BMPR1A: variants seen among roughly 807,000 people sequenced by gnomAD.
The protein encoded by BMPR1A is bone morphogenetic protein receptor type 1A.
A neutral mutation model predicts 66.0 loss-of-function variants in BMPR1A; 7 were observed. The observed-to-expected ratio is 0.11, with a 90% CI of 0.06 to 0.20. The LOEUF (loss-of-function observed/expected upper bound fraction) is 0.20. Among genes scored for constraint, BMPR1A ranks in the 10% least tolerant of loss-of-function variants. BMPR1A has a pLI of 1.00. For missense variants in BMPR1A, 408 were observed against 669.1 expected (o/e 0.61, Z 4.31); for synonymous variants, 200 against 229.7 (o/e 0.87, Z 1.17).
At chr10:86,830,072 A>G (rs937452568) in intron 1 of BMPR1A, among the ~76,000 whole-genome samples, 1 of 152,170 alleles carries the variant, frequency 6.6e-6, no homozygotes, top group Non-Finnish European at 1.5e-5. Context: ...AGCATGGGGA[A>G]GTGGGAATTT....
chr10:86,826,411 AAC>A (rs34389289), intron 1 of BMPR1A, among the ~76,000 whole-genome samples: 94 of 146,980 alleles, frequency 6.4e-4, no homozygotes, highest in East Asian at 1.8e-3. Flanking sequence ...CAATCAAGGA[AAC>A]ACACACACAC....
intron 3 of BMPR1A, among the ~76,000 whole-genome samples, chr10:86,885,804 T>C (rs1234837435): frequency 6.6e-6 from 1 of 152,210 alleles, no homozygotes; most frequent in Non-Finnish European, 1.5e-5. Context: ...CATTCTATCT[T>C]AAGGTTGCGG....
intron 7 of BMPR1A, among the ~76,000 whole-genome samples, 199 bp downstream of exon 7, chr10:86,900,325 A>G (rs970263197): frequency 6.6e-6 from 1 of 152,016 alleles, no homozygotes; most frequent in Non-Finnish European, 1.5e-5. Context: ...TACTTCTTGT[A>G]TGTTCATGAT....
chr10:86,865,492 C>A (rs1330595542), intron 2 of BMPR1A, among the ~76,000 whole-genome samples: 1 of 152,110 alleles, frequency 6.6e-6, no homozygotes, highest in African/African-American at 2.4e-5. Flanking sequence ...CCCTCATCTC[C>A]CTTCGCTGAC....
At position 86,927,441 on chromosome 10, in the gene BMPR1A, C is replaced by T. The variant is rs947963981; in HGVS notation, c.*3722C>T. ...GTGTTAAAATAGCAGTGCCACAGCTCGTCTCTTGCCTTAGTGTGCTGCTGT... is the reference window on the plus strand; with the variant it reads ...GTGTTAAAATAGCAGTGCCACAGCTTGTCTCTTGCCTTAGTGTGCTGCTGT... On this transcript the variant is annotated 3_prime_UTR_variant, in exon 13 of 13. Coordinates refer to ENST00000372037, the MANE Select transcript of BMPR1A (RefSeq NM_004329.3). 2.0e-5 allele frequency: 4 copies of T among 198,966 alleles called. No homozygotes were observed. Among genetic ancestry groups the T allele is most frequent in the African/African-American group, 9.2e-5 (4 of 43,452 alleles). The allele number at this position is 198,966 out of a possible 1,614,324, so 12.3% of individuals were successfully genotyped here.
At chr10:86,764,574 G>T (rs989165738) in intron 1 of BMPR1A, among the ~76,000 whole-genome samples, 2 of 152,146 alleles carry the variant, frequency 1.3e-5, no homozygotes, top group African/African-American at 4.8e-5. Flanking sequence ...ATTTTTCCCT[G>T]TTTTCTTATT....
chr10:86,807,460 A>G (rs1337651637), intron 1 of BMPR1A, among the ~76,000 whole-genome samples: 1 of 152,154 alleles, frequency 6.6e-6, no homozygotes, highest in Non-Finnish European at 1.5e-5. Flanking sequence ...AGCTCATTGT[A>G]GCCTTGAACT....
chr10:86,919,763 A>G (rs1843635542), intron 10 of BMPR1A, among the ~76,000 whole-genome samples: 1 of 151,664 alleles, frequency 6.6e-6, no homozygotes, highest in Admixed American at 6.6e-5. Flanking sequence ...GCTGGAATAT[A>G]GTAGTGTGAT....
chr10:86,910,822 C>A (rs182897873), intron 7 of BMPR1A, among the ~76,000 whole-genome samples: 9 of 152,034 alleles, frequency 5.9e-5, no homozygotes, highest in Non-Finnish European at 1.0e-4. Context: ...ATGTTAAAAC[C>A]AGGCCAGGCA....
chr10:86,779,089 G>A (rs1043754674), intron 1 of BMPR1A, among the ~76,000 whole-genome samples: 1 of 152,012 alleles, frequency 6.6e-6, no homozygotes, highest in African/African-American at 2.4e-5. Flanking sequence ...TTTTATGACT[G>A]AGGAGTATTC....
chr10:86,800,545 C>A (rs556578378), intron 1 of BMPR1A, among the ~76,000 whole-genome samples: 148 of 152,266 alleles, frequency 9.7e-4, no homozygotes, highest in African/African-American at 3.5e-3. Context: ...GCTTCCGCCA[C>A]CATGCCCAGC....
Position 86,850,319 on chromosome 10 carries a change from C to CAAA in BMPR1A, c.-153+11351_-153+11353dup, listed in dbSNP as rs200883215. ...CTGGGTGACAGAGCGGACTCCATTT[C>CAAA]AAAAAAAAAAAAACAGTTCATTGCT... On this transcript the variant is annotated intron_variant, in intron 2 of 12. Transcript: ENST00000372037. 5.4e-4 allele frequency among the ~76,000 whole-genome samples: 71 copies of CAAA among 131,164 alleles called. 1 individual carries two copies. The highest frequency in any genetic ancestry group is 3.9e-3 in the East Asian group (19 of 4,868). 86.0% of individuals were successfully genotyped at this position (131,164 alleles called of 152,430 possible). A position where few individuals can be genotyped will look rare whatever the true frequency, so the allele number is the denominator to read the frequency against.
intron 1 of BMPR1A, among the ~76,000 whole-genome samples, chr10:86,772,126 G>GTTTTTTTTT (rs777280640): frequency 2.3e-5 from 2 of 88,870 alleles, no homozygotes; most frequent in African/African-American, 4.8e-5. Context: ...TCAGAGATAG[G>GTTTTTTTTT]TTTTTTTTTT....
intron 1 of BMPR1A, among the ~76,000 whole-genome samples, chr10:86,786,767 T>C (rs1363216063): frequency 6.6e-6 from 1 of 152,232 alleles, no homozygotes; most frequent in Non-Finnish European, 1.5e-5. Context: ...GGATGTCTAA[T>C]AGGCAAATGA....
At chr10:86,867,362 A>G (rs1842799604) in intron 2 of BMPR1A, among the ~76,000 whole-genome samples, 1 of 152,232 alleles carries the variant, frequency 6.6e-6, no homozygotes. Context: ...AGGAGTAGTC[A>G]ACTTGTACCC....
rs1843721635 is a variant in BMPR1A, at chr10:86,925,114, A to AAGG, written c.*1395_*1396insAGG. On this transcript the variant is annotated 3_prime_UTR_variant, in exon 13 of 13. Transcript: ENST00000372037. ...GAAGACAATGAAAAATCAGGCAGAA[A>AAGG]TATTTAGTATCTAGTCAGTATCTGT... 1 of 231,928 alleles carries AAGG rather than the reference A, an allele frequency of 4.3e-6. No homozygotes were observed. Among genetic ancestry groups the AAGG allele is most frequent in the Non-Finnish European group, 8.5e-6 (1 of 117,332 alleles). 14.4% of individuals were successfully genotyped at this position (231,928 alleles called of 1,614,324 possible). A position where few individuals can be genotyped will look rare whatever the true frequency, so the allele number is the denominator to read the frequency against.
intron 8 of BMPR1A, among the ~76,000 whole-genome samples, 163 bp from the exon 9 acceptor site, chr10:86,916,971 T>A (rs1564723245): frequency 1.3e-5 from 2 of 151,726 alleles, no homozygotes; most frequent in Admixed American, 6.6e-5. Flanking sequence ...CCATCCTGGG[T>A]GACAGAGCGA....
chr10:86,777,977 C>T (rs1841379258), intron 1 of BMPR1A, among the ~76,000 whole-genome samples: 1 of 149,966 alleles, frequency 6.7e-6, no homozygotes, highest in African/African-American at 2.5e-5. Context: ...GGTGCCATTG[C>T]ACTCCAGCCT....
intron 2 of BMPR1A, among the ~76,000 whole-genome samples, chr10:86,849,002 C>T (rs147304906): frequency 1.2e-4 from 19 of 152,266 alleles, no homozygotes; most frequent in African/African-American, 3.8e-4. Flanking sequence ...TCTACCTCAC[C>T]CTGTCCCTTT....
Sources: gnomAD v4.1 joint callset for allele counts (sites outside exome capture counted in the v4.1 genomes callset) on GRCh38, gnomAD v4.1.1 for gene constraint, MANE v1.5 for transcripts, NCBI Gene and HGNC (gene_info 2026-07-23, HGNC 2026-07-21) for gene names.